Variants in HPD observed in about 807,000 individuals in gnomAD.
HPD encodes the protein 4-hydroxyphenylpyruvate dioxygenase.
In HPD, 35 loss-of-function variants were observed where a neutral mutation model predicts 56.9. That is an observed-to-expected ratio of 0.62 (90% CI 0.47 to 0.82). The LOEUF (loss-of-function observed/expected upper bound fraction) is 0.82, where lower values mean the gene tolerates loss of function less well. Ranked by LOEUF, HPD falls within the 40% of genes least tolerant of loss-of-function variation. HPD has a pLI of 0.00. For missense variants in HPD, 442 were observed against 506.8 expected (o/e 0.87, Z 1.23); for synonymous variants, 186 against 200.2 (o/e 0.93, Z 0.60).
chr12:121,884,778 T>G, the HPD span, among the ~76,000 whole-genome samples: 1 of 152,170 alleles, frequency 6.6e-6, no homozygotes, highest in South Asian at 2.1e-4. Flanking sequence ...GTTTCACCAA[T>G]TATTTACATT....
At chr12:121,850,016 C>T (rs1191459736) in intron 7 of HPD, 2 of 542,174 alleles carry the variant, frequency 3.7e-6, no homozygotes, top group Non-Finnish European at 6.8e-6. Context: ...TGATGGTGTA[C>T]CCAGCGCCAA....
chr12:121,875,443 T>TGCCCAGGCTGGTGGCAAACTCTTGG, the HPD span, among the ~76,000 whole-genome samples: 1 of 149,982 alleles, frequency 6.7e-6, no homozygotes, highest in African/African-American at 2.5e-5. Flanking sequence ...TTTTTTTTTT[T>TGCCCAGGCTGGTGGCAAACTCTTGG]GAGACATGGT....
intron 11 of HPD, among the ~76,000 whole-genome samples, chr12:121,844,664 C>T (rs1200440558): frequency 2.6e-5 from 4 of 151,512 alleles, no homozygotes; most frequent in Admixed American, 2.0e-4. Context: ...TGGGTGATCA[C>T]GAGGTTAGGA....
At chr12:121,877,450 G>A in the HPD span, among the ~76,000 whole-genome samples, 280 of 152,078 alleles carry the variant, frequency 1.8e-3, 1 homozygote, top group Admixed American at 7.4e-3. Context: ...AGCTGGGTGA[G>A]GTTGGGCGCG....
the HPD span, among the ~76,000 whole-genome samples, chr12:121,876,273 T>C: frequency 6.6e-6 from 1 of 152,148 alleles, no homozygotes; most frequent in Non-Finnish European, 1.5e-5. Context: ...ATTGTGCCAC[T>C]GCACTTGAGG....
chr12:121,865,504 C>T (rs1270711362), upstream of HPD, among the ~76,000 whole-genome samples: 2 of 149,012 alleles, frequency 1.3e-5, no homozygotes, highest in East Asian at 4.2e-4. Flanking sequence ...CCTGACCTCA[C>T]GTGATCTGTC....
chr12:121,877,956 T>A, the HPD span, among the ~76,000 whole-genome samples: 1 of 152,172 alleles, frequency 6.6e-6, no homozygotes, highest in Admixed American at 6.6e-5. Flanking sequence ...TCTATTTGTA[T>A]GAAATATCCA....
rs537967321 is a variant in HPD at position 121,844,318 on chromosome 12, T to C, written c.832-486A>G. Among the ~76,000 whole-genome samples, 7 of 152,166 alleles carry C rather than the reference T, an allele frequency of 4.6e-5. No individual in the cohort carries two copies. The South Asian group carries it at 1.0e-3, about 23-fold the overall frequency. Reference sequence around the variant, plus strand: ...CCTCGGCCTCCCAAAGTGCTGGGATTACAGGCGTGAGCCACTGAGCCCGGC... The same window carrying C: ...CCTCGGCCTCCCAAAGTGCTGGGATCACAGGCGTGAGCCACTGAGCCCGGC... On this transcript the variant is annotated intron_variant, in intron 11 of 13. Coordinates refer to ENST00000289004, the MANE Select transcript of HPD (RefSeq NM_002150.3).
In HPD at chr12:121,843,946, G is replaced by A. The variant is rs146829345; in HGVS notation, c.832-114C>T. 644 of 1,217,550 alleles carry A rather than the reference G, an allele frequency of 5.3e-4. 5 individuals carry two copies. In the African/African-American group the frequency reaches 8.4e-3, roughly 16 times the overall value. The allele number at this position is 1,217,550 out of a possible 1,614,324, so 75.4% of individuals were successfully genotyped here. A position where few individuals can be genotyped will look rare whatever the true frequency, so the allele number is the denominator to read the frequency against. Reference sequence around the variant, plus strand: ...GTCCCTATCCTAGCTCCCCTCAACTGCCAGGATGCTGTGTGGCCTCTTCCC... The same window carrying A: ...GTCCCTATCCTAGCTCCCCTCAACTACCAGGATGCTGTGTGGCCTCTTCCC... On this transcript the variant is annotated intron_variant, in intron 11 of 13. Coordinates refer to ENST00000289004, the MANE Select transcript of HPD (RefSeq NM_002150.3).
chr12:121,843,683 AG>A (rs1239276115), intron 12 of HPD, 26 bp downstream of exon 12: 2 of 1,613,448 alleles, frequency 1.2e-6, no homozygotes, highest in African/African-American at 2.7e-5. Context: ...TCCCCCCACA[AG>A]GCTGCGGATC....
the HPD span, among the ~76,000 whole-genome samples, chr12:121,880,361 A>G: frequency 5.4e-3 from 819 of 151,760 alleles, 13 homozygotes; most frequent in African/African-American, 0.019. Flanking sequence ...ACACCCAGAT[A>G]ATTTTTGAAT....
chr12:121,875,996 T>TA, the HPD span, among the ~76,000 whole-genome samples: 2 of 152,098 alleles, frequency 1.3e-5, no homozygotes, highest in Non-Finnish European at 2.9e-5. Flanking sequence ...GCATTGGTGA[T>TA]ACTAAAACTT....
At chr12:121,866,661 G>T (rs1486880379), upstream of HPD, among the ~76,000 whole-genome samples, 1 of 151,818 alleles carries the variant, frequency 6.6e-6, no homozygotes, top group Non-Finnish European at 1.5e-5. Flanking sequence ...TTCTGGTTCT[G>T]CAGCAAAGTC....
chr12:121,885,329 G>A, the HPD span, among the ~76,000 whole-genome samples: 1 of 151,854 alleles, frequency 6.6e-6, no homozygotes, highest in Non-Finnish European at 1.5e-5. Context: ...AATCTCCCGA[G>A]TAGCTGTGAC....
chr12:121,846,277 T>C (rs1877579619), intron 11 of HPD, among the ~76,000 whole-genome samples: 1 of 152,158 alleles, frequency 6.6e-6, no homozygotes, highest in Non-Finnish European at 1.5e-5. Context: ...GGTACAGTGG[T>C]GCGACCTTGG....
chr12:121,857,078 GTTTTTTGTTT>G, intron 4 of HPD: 2 of 528,064 alleles, frequency 3.8e-6, no homozygotes, highest in South Asian at 4.2e-5. Flanking sequence ...GTTTTTTGTT[GTTTTTTGTTT>G]TTTTTTGTTG....
intron 7 of HPD, chr12:121,850,069 C>G (rs1877714914): frequency 2.3e-6 from 1 of 426,518 alleles, no homozygotes; most frequent in Non-Finnish European, 4.4e-6. Flanking sequence ...GAAGCACCTA[C>G]TTCATTTATT....
chr12:121,884,212 C>T, the HPD span, among the ~76,000 whole-genome samples: 1 of 149,848 alleles, frequency 6.7e-6, no homozygotes. Context: ...GCTCTGTCGC[C>T]CAGGCTGGAG....
At chr12:121,846,786 C>T in intron 11 of HPD, 76 bp downstream of exon 11, 1 of 1,403,450 alleles carries the variant, frequency 7.1e-7, no homozygotes, top group Non-Finnish European at 1.0e-6. Flanking sequence ...CTGCCGCCAC[C>T]CGCCCTCTCA....
Sources: gnomAD v4.1 joint callset for allele counts (sites outside exome capture counted in the v4.1 genomes callset) on GRCh38, gnomAD v4.1.1 for gene constraint, MANE v1.5 for transcripts, NCBI Gene and HGNC (gene_info 2026-07-23, HGNC 2026-07-21) for gene names.